The following DNAH7 variants were observed in gnomAD, a reference collection of about 807,000 sequenced individuals.
The protein encoded by DNAH7 is dynein axonemal heavy chain 7.
In DNAH7, 397 loss-of-function variants were observed where a neutral mutation model predicts 444.6. That is an observed-to-expected ratio of 0.89 (90% CI 0.82 to 0.97). The LOEUF is 0.97. Among genes scored for constraint, DNAH7 ranks in the 50% least tolerant of loss-of-function variants. DNAH7 has a pLI of 0.00. For missense variants in DNAH7, 4,902 were observed against 4,800.8 expected, an observed-to-expected ratio of 1.02 and a Z score of -0.62; for synonymous variants, 1,636 against 1,624.4, an observed-to-expected ratio of 1.01 and a Z score of -0.17.
chr2:195,763,990 A>T (rs960688783), intron 61 of DNAH7, among the ~76,000 whole-genome samples: 1 of 151,868 alleles, frequency 6.6e-6, no homozygotes, highest in African/African-American at 2.4e-5. Flanking sequence ...CTGATGCAAA[A>T]ATCTTGAACA....
rs939848540 is a variant in DNAH7, at chr2:195,900,367, C to A, written c.4463G>T (p.Cys1488Phe). 1.2e-6 allele frequency: 2 copies of A among 1,614,032 alleles called. No individual in the cohort carries two copies. The highest frequency in any genetic ancestry group is 1.7e-6 in the Non-Finnish European group (2 of 1,179,952). ...SVKIVATYRL[C>F]SEQLSSQHHY... ...ATGTTGAGATGACAGCTGCTCTGAA[C>A]ACAAGCGATACGTAGCCACAATTTT... The change falls in exon 28 of 65, where the codon TGT (cysteine) becomes TTT (phenylalanine). Residue 1488 changes from cysteine (C) to phenylalanine (F), a missense_variant. By Grantham distance (205) the Cys-to-Phe change is radical (BLOSUM62 -2). Coordinates refer to ENST00000312428, the MANE Select transcript of DNAH7 (RefSeq NM_018897.3).
At chr2:196,040,855 A>C (rs1257093537) in intron 5 of DNAH7, among the ~76,000 whole-genome samples, 2 of 152,158 alleles carry the variant, frequency 1.3e-5, no homozygotes, top group African/African-American at 2.4e-5. Context: ...TAGAACTGAT[A>C]AATGATTTCA....
intron 28 of DNAH7, among the ~76,000 whole-genome samples, chr2:195,899,109 A>G (rs567093520): frequency 6.6e-6 from 1 of 152,282 alleles, no homozygotes; most frequent in African/African-American, 2.4e-5. Flanking sequence ...GAGTTCCCCA[A>G]TGACAGAGCA....
At chr2:195,749,746 A>G (rs1033314695) in intron 63 of DNAH7, among the ~76,000 whole-genome samples, 3 of 149,522 alleles carry the variant, frequency 2.0e-5, no homozygotes, top group Non-Finnish European at 4.4e-5. Flanking sequence ...GAAACCAAAC[A>G]CCGCGTATTC....
At chr2:195,930,124 C>T (rs1408437014) in intron 21 of DNAH7, among the ~76,000 whole-genome samples, 1 of 152,150 alleles carries the variant, frequency 6.6e-6, no homozygotes, top group Non-Finnish European at 1.5e-5. Flanking sequence ...ACAGGTGGAT[C>T]ACGAGGTCAA....
intron 46 of DNAH7, among the ~76,000 whole-genome samples, chr2:195,847,284 A>G (rs1196524913): frequency 6.6e-6 from 1 of 151,834 alleles, no homozygotes; most frequent in African/African-American, 2.4e-5. Context: ...CAAATGGTAC[A>G]TATACACCAT....
chr2:195,813,666 C>T (rs62201499), intron 51 of DNAH7, among the ~76,000 whole-genome samples: 14,285 of 152,152 alleles, frequency 0.094, 757 homozygotes, highest in African/African-American at 0.14. Flanking sequence ...TTATCTGCTT[C>T]GATAATTAAG....
intron 27 of DNAH7, chr2:195,902,598 C>T (rs1393722579): frequency 6.6e-6 from 1 of 152,118 alleles, no homozygotes; most frequent in East Asian, 1.9e-4. Flanking sequence ...GTAGGTTTCC[C>T]TTTGACCACC....
intron 19 of DNAH7, among the ~76,000 whole-genome samples, chr2:195,953,892 T>C (rs1395690005): frequency 6.6e-6 from 1 of 152,244 alleles, no homozygotes; most frequent in African/African-American, 2.4e-5. Flanking sequence ...ACCATGTCAT[T>C]AGACTTCCTA....
chr2:196,022,608 C>T (rs1695448110), intron 8 of DNAH7, among the ~76,000 whole-genome samples: 1 of 152,206 alleles, frequency 6.6e-6, no homozygotes, highest in African/African-American at 2.4e-5. Context: ...CTTCAGGCTC[C>T]ACTTCTAATT....
Position 195,897,783 on chromosome 2 carries a change from A to C in DNAH7, c.4549-18T>G. 1 of 1,406,976 alleles carries C rather than the reference A, an allele frequency of 7.1e-7. No homozygotes were observed. Among genetic ancestry groups the C allele is most frequent in the Non-Finnish European group, 9.9e-7 (1 of 1,013,214 alleles). The allele number at this position is 1,406,976 out of a possible 1,614,324, so 87.2% of individuals were successfully genotyped here. On this transcript the variant is annotated intron_variant, in intron 28 of 64. Transcript: ENST00000312428. ...TATTTCAGCTAAAAAAAAAAAAAAA[A>C]ACTCATGAGGATATCTGCATCTCCT...
At chr2:195,759,629 G>C (rs1056564692) in intron 61 of DNAH7, among the ~76,000 whole-genome samples, 3 of 152,034 alleles carry the variant, frequency 2.0e-5, no homozygotes, top group African/African-American at 7.2e-5. Context: ...CTCCTGGATG[G>C]CATTTCTGGA....
intron 58 of DNAH7, among the ~76,000 whole-genome samples, chr2:195,786,255 T>C (rs1226093820): frequency 1.3e-5 from 2 of 152,234 alleles, no homozygotes; most frequent in African/African-American, 2.4e-5. Context: ...TCATACTCAA[T>C]TGACGAAATG....
intron 38 of DNAH7, among the ~76,000 whole-genome samples, chr2:195,874,504 A>T (rs1700908668): frequency 6.6e-6 from 1 of 152,000 alleles, no homozygotes; most frequent in African/African-American, 2.4e-5. Flanking sequence ...GGCAGGGAAA[A>T]GTGGACATGT....
In DNAH7 at chr2:196,058,094, T is replaced by A. The variant is rs767507545; in HGVS notation, c.38A>T (p.Lys13Ile). 5 of 1,585,196 alleles carry A rather than the reference T, an allele frequency of 3.2e-6. No homozygotes were observed. The East Asian group carries it at 1.1e-4, about 36-fold the overall frequency. ...SEQDKSASKE[K>I]SKKPVRFLPQ... ...TAGAAATCTTACTGGTTTCTTGGAT[T>A]TTTCTTTGCTGGCCGATTTATCCTG... The change falls in exon 2 of 65, where the codon AAA becomes ATA. Residue 13 changes from lysine (K) to isoleucine (I), a missense_variant. Lys to Ile is a moderately radical substitution (Grantham distance 102). Coordinates refer to ENST00000312428, the MANE Select transcript of DNAH7 (RefSeq NM_018897.3).
At chr2:196,008,329 T>C (rs903851716) in intron 10 of DNAH7, among the ~76,000 whole-genome samples, 2 of 152,076 alleles carry the variant, frequency 1.3e-5, no homozygotes, top group African/African-American at 4.8e-5. Flanking sequence ...TCATAAATTG[T>C]TGTTAGGAAT....
In DNAH7 at chr2:195,936,691, A is replaced by C. The variant is rs1480209215; in HGVS notation, c.3180T>G (p.Tyr1060Ter). The change falls in exon 20 of 65, where the codon TAT becomes TAG. Residue 1060 changes from tyrosine (Y) to a stop codon, truncating the protein, a stop_gained. Coordinates refer to ENST00000312428, the MANE Select transcript of DNAH7 (RefSeq NM_018897.3). LOFTEE classifies it high-confidence loss of function. ...GGAAAAAGAGGCGTTTCTTTTCCAAATATTCATTAAGTCCTTTAAGAATGA... is the reference window on the plus strand; with the variant it reads ...GGAAAAAGAGGCGTTTCTTTTCCAACTATTCATTAAGTCCTTTAAGAATGA... ...LELILKGLNEYLEKKRLFFPR... is the reference protein window; with the variant it reads ...LELILKGLNE The C allele has an allele frequency of 1.2e-6, 2 of 1,604,748 alleles. No homozygotes were observed. The highest frequency in any genetic ancestry group is 1.7e-6 in the Non-Finnish European group (2 of 1,176,768).
chr2:195,786,112 C>A (rs540358441), intron 58 of DNAH7, among the ~76,000 whole-genome samples: 19 of 152,278 alleles, frequency 1.2e-4, no homozygotes, highest in African/African-American at 4.6e-4. Context: ...AGTTTAGATA[C>A]ACCATCTGAA....
At chr2:195,829,639 T>C (rs1697962154) in intron 48 of DNAH7, among the ~76,000 whole-genome samples, 1 of 152,100 alleles carries the variant, frequency 6.6e-6, no homozygotes. Context: ...TGATATTTAA[T>C]GTTGGCTAAA....
Sources: allele counts gnomAD v4.1 joint callset (sites outside exome capture counted in the v4.1 genomes callset), GRCh38; gene constraint gnomAD v4.1.1; transcripts MANE v1.5; gene names NCBI Gene and HGNC (gene_info 2026-07-23, HGNC 2026-07-21).